The following GSK3B variants were observed in gnomAD, a reference collection of about 807,000 sequenced individuals.
The protein encoded by GSK3B is glycogen synthase kinase-3 beta.
A neutral mutation model predicts 56.4 loss-of-function variants in GSK3B; 15 were observed. The observed-to-expected ratio is 0.27, with a 90% CI of 0.18 to 0.41. The LOEUF (loss-of-function observed/expected upper bound fraction) is 0.41, where lower values mean the gene tolerates loss of function less well. GSK3B is among the 10% of genes least tolerant of loss of function. The probability of loss-of-function intolerance (pLI) is 1.00; values close to 1 mark genes in which losing one functional copy is unlikely to be tolerated. For synonymous variants in GSK3B, 181 were observed against 188.9 expected, an observed-to-expected ratio of 0.96 and a Z score of 0.34; for missense variants, 300 against 513.4, an observed-to-expected ratio of 0.58 and a Z score of 4.02.
At chr3:119,996,395 T>TA (rs2057618298) in intron 2 of GSK3B, among the ~76,000 whole-genome samples, 1 of 152,248 alleles carries the variant, frequency 6.6e-6, no homozygotes, top group Non-Finnish European at 1.5e-5. Context: ...TAGTATCTAA[T>TA]ACACAATTTC....
intron 2 of GSK3B, among the ~76,000 whole-genome samples, chr3:119,949,863 G>C (rs891802420): frequency 6.8e-6 from 1 of 148,082 alleles, no homozygotes; most frequent in Non-Finnish European, 1.5e-5. Flanking sequence ...AGTAGATCAA[G>C]AGTTTCGTTT....
intron 1 of GSK3B, among the ~76,000 whole-genome samples, chr3:120,047,681 G>A (rs1309968207): frequency 6.6e-6 from 1 of 152,162 alleles, no homozygotes. Context: ...CTGAGCAATG[G>A]AACAGAATGA....
chr3:120,058,859 A>T (rs2058213363), intron 1 of GSK3B, among the ~76,000 whole-genome samples: 1 of 151,934 alleles, frequency 6.6e-6, no homozygotes, highest in Non-Finnish European at 1.5e-5. Context: ...AAAATACAAA[A>T]ATTAGCCGGG....
intron 1 of GSK3B, among the ~76,000 whole-genome samples, chr3:120,049,591 G>A (rs1161799464): frequency 6.6e-6 from 1 of 152,134 alleles, no homozygotes; most frequent in Non-Finnish European, 1.5e-5. Flanking sequence ...GACAAACCCA[G>A]AAAGGTAGCC....
intron 9 of GSK3B, among the ~76,000 whole-genome samples, chr3:119,860,031 T>A (rs1325593583): frequency 6.6e-6 from 1 of 152,196 alleles, no homozygotes; most frequent in Non-Finnish European, 1.5e-5. Flanking sequence ...CATCCTACCC[T>A]ACACTCTCAG....
At chr3:119,851,177 G>C (rs1012740573) in intron 9 of GSK3B, among the ~76,000 whole-genome samples, 6 of 152,088 alleles carry the variant, frequency 3.9e-5, no homozygotes, top group East Asian at 3.8e-4. Context: ...AAAGCAAAAT[G>C]AGTTTAAATA....
At position 119,863,593 on chromosome 3, in the gene GSK3B, G is replaced by A; in HGVS notation, c.922C>T (p.Arg308Ter). The A allele has an allele frequency of 6.2e-7, 1 of 1,608,394 alleles. No homozygotes were observed. Among genetic ancestry groups the A allele is most frequent in the Middle Eastern group, 1.7e-4 (1 of 6,050 alleles). The stretch of plus-strand genomic sequence containing the variant: ...AGTGCAATTGCCTCCGGTGGAGTTC[G>A]GGGTCGGAAGACCTGCAGTACAAAA... ...AHPWTKVFRP[R>*]TPPEAIALCS... The change falls in exon 9 of 11, where the codon CGA (arginine) becomes TGA (stop). Residue 308 changes from arginine to a stop codon, truncating the protein, a stop_gained. Transcript: ENST00000264235. LOFTEE classifies it high-confidence loss of function.
intron 1 of GSK3B, among the ~76,000 whole-genome samples, chr3:120,024,472 T>C (rs2057907042): frequency 6.6e-6 from 1 of 152,218 alleles, no homozygotes; most frequent in African/African-American, 2.4e-5. Flanking sequence ...TAATTTTCTA[T>C]TTTTTCAGCT....
intron 1 of GSK3B, among the ~76,000 whole-genome samples, chr3:120,023,636 T>C (rs1213041394): frequency 6.6e-6 from 1 of 152,144 alleles, no homozygotes; most frequent in Non-Finnish European, 1.5e-5. Flanking sequence ...AAATACCATT[T>C]CCCTTATCTT....
At chr3:119,922,128 TGAAG>T (rs745426737) in intron 4 of GSK3B, among the ~76,000 whole-genome samples, 3 of 146,196 alleles carry the variant, frequency 2.1e-5, no homozygotes, top group Admixed American at 6.9e-5. Context: ...CAGAGTGAAA[TGAAG>T]GAAGGAAGGA....
At chr3:119,868,762 T>A (rs2056214167) in intron 8 of GSK3B, among the ~76,000 whole-genome samples, 1 of 152,176 alleles carries the variant, frequency 6.6e-6, no homozygotes, top group African/African-American at 2.4e-5. Context: ...TCATCCTATA[T>A]CCTGGTCATA....
intron 1 of GSK3B, among the ~76,000 whole-genome samples, chr3:120,017,187 AAG>A (rs2057834570): frequency 6.6e-6 from 1 of 152,226 alleles, no homozygotes. Context: ...CATGGATGAA[AAG>A]AGAAAATGGT....
intron 3 of GSK3B, among the ~76,000 whole-genome samples, chr3:119,931,764 CAA>C (rs1371134366): frequency 6.6e-6 from 1 of 152,118 alleles, no homozygotes; most frequent in East Asian, 1.9e-4. Context: ...AAAAAACTGG[CAA>C]AAGAGTCAAT....
At chr3:119,876,067 A>G (rs891655077) in intron 8 of GSK3B, among the ~76,000 whole-genome samples, 2 of 152,184 alleles carry the variant, frequency 1.3e-5, no homozygotes, top group Non-Finnish European at 2.9e-5. Context: ...ATGATATGCT[A>G]TATGATATTA....
At chr3:119,926,808 C>T (rs2056893479) in intron 3 of GSK3B, among the ~76,000 whole-genome samples, 1 of 152,184 alleles carries the variant, frequency 6.6e-6, no homozygotes. Context: ...AAGACATGCT[C>T]AAAGCTCATT....
chr3:119,829,079 A>G (rs2055561162), intron 10 of GSK3B, among the ~76,000 whole-genome samples: 1 of 152,198 alleles, frequency 6.6e-6, no homozygotes, highest in Non-Finnish European at 1.5e-5. Flanking sequence ...CTATGCTAAC[A>G]CTTCATTCGT....
At chr3:119,977,209 A>G (rs914385821) in intron 2 of GSK3B, among the ~76,000 whole-genome samples, 8 of 152,226 alleles carry the variant, frequency 5.3e-5, no homozygotes, top group African/African-American at 1.7e-4. Flanking sequence ...AAACTATAAA[A>G]GCAGCATAAA....
intron 4 of GSK3B, among the ~76,000 whole-genome samples, chr3:119,918,573 C>T (rs2056805253): frequency 6.6e-6 from 1 of 152,124 alleles, no homozygotes; most frequent in Non-Finnish European, 1.5e-5. Flanking sequence ...AATTAACACA[C>T]TTTAAAATAT....
intron 1 of GSK3B, among the ~76,000 whole-genome samples, chr3:120,052,007 T>C (rs982547319): frequency 4.6e-5 from 7 of 152,162 alleles, no homozygotes; most frequent in Non-Finnish European, 8.8e-5. Flanking sequence ...TTAAACACCA[T>C]TAACACATCC....
Sources: allele counts gnomAD v4.1 joint callset (sites outside exome capture counted in the v4.1 genomes callset), GRCh38; gene constraint gnomAD v4.1.1; transcripts MANE v1.5; gene names NCBI Gene and HGNC (gene_info 2026-07-23, HGNC 2026-07-21).